The following WAC variants were observed in gnomAD, a reference collection of about 807,000 sequenced individuals.
WAC encodes the protein WW domain containing adaptor with coiled-coil.
A neutral mutation model predicts 79.6 loss-of-function variants in WAC; 11 were observed. That is an observed-to-expected ratio of 0.14 (90% CI 0.09 to 0.23). The LOEUF is 0.23. WAC is among the 10% of genes least tolerant of loss of function. The pLI is 1.00. For synonymous variants in WAC, 304 were observed against 276.9 expected (o/e 1.10, Z -0.97); for missense variants, 728 against 773.5 (o/e 0.94, Z 0.70).
intron 8 of WAC, among the ~76,000 whole-genome samples, chr10:28,610,233 C>G (rs1000585024): frequency 6.6e-6 from 1 of 152,048 alleles, no homozygotes; most frequent in Non-Finnish European, 1.5e-5. Context: ...CCAATACTCC[C>G]TTTTTTGTAT....
intron 3 of WAC, among the ~76,000 whole-genome samples, chr10:28,568,748 AT>A (rs1838787655): frequency 6.6e-6 from 1 of 151,946 alleles, no homozygotes; most frequent in Admixed American, 6.6e-5. Context: ...TGTCAGGCTT[AT>A]TTATTACAGA....
At chr10:28,574,079 T>C (rs1198591184) in intron 3 of WAC, among the ~76,000 whole-genome samples, 1 of 151,948 alleles carries the variant, frequency 6.6e-6, no homozygotes, top group Non-Finnish European at 1.5e-5. Context: ...TGCATGATTA[T>C]GCCACATTTT....
chr10:28,604,639 T>G (rs1243860038), intron 7 of WAC, among the ~76,000 whole-genome samples: 1 of 152,068 alleles, frequency 6.6e-6, no homozygotes, highest in Non-Finnish European at 1.5e-5. Flanking sequence ...GAGAATCACT[T>G]GAACCCGGAG....
rs2232792 is a variant in WAC, at chr10:28,611,841, T to G, written c.1356T>G (p.Ser452=). The change falls in exon 10 of 14, where the codon TCT becomes TCG. Residue 452 remains serine (S), a synonymous_variant. Transcript: ENST00000354911. ...CGTCATCCCCAAGATCATATGTTTC[T>G]CCAAGAATAAGCACACCTCAAACTA... ...SDASSPRSYV[S]PRISTPQTNT... 5.2e-3 allele frequency: 8,426 copies of G among 1,614,124 alleles called. 172 individuals carry two copies. The African/African-American group carries it at 0.057, about 11-fold the overall frequency.
At chr10:28,606,338 C>T (rs1248618721) in intron 7 of WAC, among the ~76,000 whole-genome samples, 1 of 152,194 alleles carries the variant, frequency 6.6e-6, no homozygotes, top group Admixed American at 6.5e-5. Flanking sequence ...GTCCATCTGA[C>T]AGCAGAATTT....
intron 7 of WAC, among the ~76,000 whole-genome samples, chr10:28,605,657 A>T (rs1014589182): frequency 2.0e-5 from 3 of 151,908 alleles, no homozygotes; most frequent in Non-Finnish European, 2.9e-5. Flanking sequence ...GATGATGTGT[A>T]TTTTTTTTAT....
chr10:28,574,710 C>T (rs989082413), intron 3 of WAC, among the ~76,000 whole-genome samples: 1 of 152,174 alleles, frequency 6.6e-6, no homozygotes, highest in South Asian at 2.1e-4. Flanking sequence ...TCCCAAAGTG[C>T]TAGGATTACA....
chr10:28,539,874 AT>A lies in WAC; in HGVS notation c.274+4121del, dbSNP rs1472873382. ...GCGCCTGGCCCATAGTGAAGTTTTTATTTTGTCATTTAGCTATATCTTTGGA... is the reference window on the plus strand; with the variant it reads ...GCGCCTGGCCCATAGTGAAGTTTTTATTTGTCATTTAGCTATATCTTTGGA... On this transcript the variant is annotated intron_variant, in intron 3 of 13. Coordinates refer to ENST00000354911, the MANE Select transcript of WAC (RefSeq NM_016628.5). Among the ~76,000 whole-genome samples the A allele has an allele frequency of 3.9e-5, 6 of 152,018 alleles. No individual in the cohort carries two copies. In the East Asian group the frequency reaches 1.2e-3, roughly 29 times the overall value.
intron 4 of WAC, among the ~76,000 whole-genome samples, chr10:28,586,431 T>C (rs921557636): frequency 6.6e-6 from 1 of 152,120 alleles, no homozygotes; most frequent in African/African-American, 2.4e-5. Context: ...ATCCCAGCAC[T>C]TTGGAATGCC....
intron 3 of WAC, among the ~76,000 whole-genome samples, chr10:28,563,325 TA>T (rs1838402027): frequency 6.6e-6 from 1 of 152,204 alleles, no homozygotes; most frequent in Non-Finnish European, 1.5e-5. Flanking sequence ...CCTTAGTGAT[TA>T]TGTTCTAGGA....
intron 3 of WAC, among the ~76,000 whole-genome samples, chr10:28,545,986 T>C (rs1333245692): frequency 6.6e-6 from 1 of 152,274 alleles, no homozygotes; most frequent in African/African-American, 2.4e-5. Context: ...TAGTAGAGTA[T>C]ACTTAGGCTG....
intron 3 of WAC, among the ~76,000 whole-genome samples, chr10:28,547,915 C>CTTTTTTTT (rs11408560): frequency 9.6e-4 from 127 of 132,236 alleles, no homozygotes; most frequent in Non-Finnish European, 1.2e-3. Context: ...TTCTCTTTTT[C>CTTTTTTTT]TTTTTTTTTT....
chr10:28,548,154 C>G (rs560654561), intron 3 of WAC, among the ~76,000 whole-genome samples: 1 of 151,908 alleles, frequency 6.6e-6, no homozygotes, highest in African/African-American at 2.4e-5. Flanking sequence ...AACTCCTTAC[C>G]TCAGGTGATC....
chr10:28,566,392 CAAATT>C (rs1050388627), intron 3 of WAC, among the ~76,000 whole-genome samples: 2 of 152,092 alleles, frequency 1.3e-5, no homozygotes, highest in Non-Finnish European at 1.5e-5. Context: ...GGACACAAAA[CAAATT>C]AAGTTGTCAA....
chr10:28,585,302 T>G (rs1188275396), intron 4 of WAC, among the ~76,000 whole-genome samples: 2 of 152,006 alleles, frequency 1.3e-5, no homozygotes, highest in Non-Finnish European at 2.9e-5. Context: ...GTTCTAGTGG[T>G]GGGATGGTAG....
chr10:28,619,703 G>T lies in WAC; in HGVS notation c.*97G>T. 1.0e-6 allele frequency: 1 copy of T among 971,276 alleles called. No homozygotes were observed. The highest frequency in any genetic ancestry group is 1.5e-6 in the Non-Finnish European group (1 of 677,994). 60.2% of individuals were successfully genotyped at this position (971,276 alleles called of 1,614,324 possible). On this transcript the variant is annotated 3_prime_UTR_variant, in exon 14 of 14. Transcript: ENST00000354911. ...GCTGCATTTAAGTAGACTTTGGACCGTTAAGCTGGGCAAAGGAAATGACAA... is the reference window on the plus strand; with the variant it reads ...GCTGCATTTAAGTAGACTTTGGACCTTTAAGCTGGGCAAAGGAAATGACAA...
At chr10:28,592,093 C>A (rs1840121282) in intron 6 of WAC, among the ~76,000 whole-genome samples, 1 of 152,026 alleles carries the variant, frequency 6.6e-6, no homozygotes, top group Non-Finnish European at 1.5e-5. Context: ...ATTTTTAAAT[C>A]AGTGAAATTG....
At chr10:28,600,517 C>T (rs1840588526) in intron 7 of WAC, among the ~76,000 whole-genome samples, 1 of 151,988 alleles carries the variant, frequency 6.6e-6, no homozygotes, top group Non-Finnish European at 1.5e-5. Context: ...AAAGATTGGC[C>T]ATAGTTATTC....
chr10:28,533,767 C>T (rs1836426514), intron 1 of WAC, 147 bp downstream of exon 1: 1 of 511,652 alleles, frequency 2.0e-6, no homozygotes, highest in Non-Finnish European at 3.2e-6. Flanking sequence ...GCCGCGCGGG[C>T]GGGCGGGCGG....
Sources: gnomAD v4.1 joint callset for allele counts (sites outside exome capture counted in the v4.1 genomes callset) on GRCh38, gnomAD v4.1.1 for gene constraint, MANE v1.5 for transcripts, NCBI Gene and HGNC (gene_info 2026-07-23, HGNC 2026-07-21) for gene names.